NRG1: variants seen among roughly 807,000 people sequenced by gnomAD.
NRG1 encodes the protein pro-neuregulin-1, membrane-bound isoform.
In NRG1, 18 loss-of-function variants were observed where a neutral mutation model predicts 63.8. The ratio of observed to expected loss-of-function variants is 0.28; its 90% confidence interval spans 0.19 to 0.42. The LOEUF (loss-of-function observed/expected upper bound fraction) is 0.42, where lower values mean the gene tolerates loss of function less well. Ranked by LOEUF, NRG1 falls within the 10% of genes least tolerant of loss-of-function variation. The pLI is 1.00. For missense variants in NRG1, 762 were observed against 814.7 expected (o/e 0.94, Z 0.79); for synonymous variants, 302 against 301.3 (o/e 1.00, Z -0.02).
intron 1 of NRG1, among the ~76,000 whole-genome samples, chr8:32,553,692 G>C (rs891464101): frequency 1.3e-5 from 2 of 151,984 alleles, no homozygotes; most frequent in Non-Finnish European, 2.9e-5. Context: ...CTTCTCTTTT[G>C]GGACTCGTAT....
At chr8:32,755,231 G>A (rs1829466988) in intron 8 of NRG1, among the ~76,000 whole-genome samples, 1 of 152,148 alleles carries the variant, frequency 6.6e-6, no homozygotes, top group African/African-American at 2.4e-5. Context: ...ATTACTATGT[G>A]ACATGGATTC....
At chr8:31,857,369 G>A (rs1364897876) in intron 1 of NRG1, among the ~76,000 whole-genome samples, 5 of 152,200 alleles carry the variant, frequency 3.3e-5, no homozygotes, top group African/African-American at 7.2e-5. Context: ...GGAGTGACCC[G>A]ATTTTCCAGG....
chr8:32,386,053 C>T (rs1434386525), intron 1 of NRG1, among the ~76,000 whole-genome samples: 1 of 152,172 alleles, frequency 6.6e-6, no homozygotes, highest in African/African-American at 2.4e-5. Context: ...TCTGTCTATG[C>T]TGTCATAGGT....
chr8:32,401,684 A>G (rs1327208177), intron 1 of NRG1, among the ~76,000 whole-genome samples: 1 of 152,142 alleles, frequency 6.6e-6, no homozygotes, highest in African/African-American at 2.4e-5. Flanking sequence ...AGCTAAACAA[A>G]GAAAACACAT....
At chr8:31,702,225 T>G (rs1810698413) in intron 1 of NRG1, among the ~76,000 whole-genome samples, 1 of 152,192 alleles carries the variant, frequency 6.6e-6, no homozygotes, top group Non-Finnish European at 1.5e-5. Context: ...GAAAGTTGAC[T>G]GGCTTCATTA....
chr8:31,920,560 T>G (rs1187735176), intron 1 of NRG1, among the ~76,000 whole-genome samples: 1 of 152,144 alleles, frequency 6.6e-6, no homozygotes, highest in African/African-American at 2.4e-5. Context: ...TCTTCAGACT[T>G]GCCCAGGATC....
At chr8:31,793,672 T>C (rs1194431210) in intron 1 of NRG1, among the ~76,000 whole-genome samples, 1 of 152,226 alleles carries the variant, frequency 6.6e-6, no homozygotes, top group Non-Finnish European at 1.5e-5. Context: ...AGAAGTAATC[T>C]GAAGTAAACA....
At chr8:31,731,948 G>A (rs192174470) in intron 1 of NRG1, among the ~76,000 whole-genome samples, 12 of 152,290 alleles carry the variant, frequency 7.9e-5, no homozygotes, top group African/African-American at 2.2e-4. Context: ...GCTGTGAAGA[G>A]TCAGTAAGAT....
chr8:31,740,780 T>C (rs1009806914), intron 1 of NRG1, among the ~76,000 whole-genome samples: 5 of 151,854 alleles, frequency 3.3e-5, no homozygotes, highest in African/African-American at 1.2e-4. Context: ...GGTAAGCAAT[T>C]GATCTGGCAA....
At chr8:32,752,837 CTGT>C (rs141960578) in intron 7 of NRG1, among the ~76,000 whole-genome samples, 11,673 of 152,186 alleles carry the variant, frequency 0.077, 626 homozygotes, top group Non-Finnish European at 0.096. Context: ...CCTTCTCCTC[CTGT>C]TAATAATCAG....
At chr8:32,674,182 G>C (rs1354419067) in intron 5 of NRG1, among the ~76,000 whole-genome samples, 3 of 152,102 alleles carry the variant, frequency 2.0e-5, no homozygotes, top group South Asian at 4.1e-4. Flanking sequence ...TTTAACTGAA[G>C]AATTCGTGTT....
chr8:32,552,368 A>G (rs1437525306), intron 1 of NRG1, among the ~76,000 whole-genome samples: 1 of 151,872 alleles, frequency 6.6e-6, no homozygotes, highest in Non-Finnish European at 1.5e-5. Context: ...ATTCACTATC[A>G]TGCCTAGCCA....
intron 1 of NRG1, among the ~76,000 whole-genome samples, chr8:31,755,614 C>A (rs1816890146): frequency 6.6e-6 from 1 of 152,094 alleles, no homozygotes; most frequent in South Asian, 2.1e-4. Context: ...GTTAATGAAT[C>A]CTTGCTCTGC....
chr8:32,047,059 G>A (rs975929182), intron 1 of NRG1, among the ~76,000 whole-genome samples: 4 of 151,848 alleles, frequency 2.6e-5, no homozygotes, highest in African/African-American at 9.7e-5. Context: ...TTTTTGCCCA[G>A]CATTGTTGTG....
intron 1 of NRG1, among the ~76,000 whole-genome samples, chr8:32,399,346 G>A (rs1006048476): frequency 3.3e-5 from 5 of 152,122 alleles, no homozygotes; most frequent in Non-Finnish European, 5.9e-5. Context: ...AATTTCCCTC[G>A]ACTCAACTGA....
chr8:32,482,694 A>T (rs1313039445), intron 1 of NRG1, among the ~76,000 whole-genome samples: 1 of 152,104 alleles, frequency 6.6e-6, no homozygotes, highest in Admixed American at 6.6e-5. Flanking sequence ...GGTGCTGACA[A>T]GAGGAAATGC....
chr8:31,868,009 T>C (rs1248158424), intron 1 of NRG1, among the ~76,000 whole-genome samples: 1 of 152,124 alleles, frequency 6.6e-6, no homozygotes, highest in South Asian at 2.1e-4. Flanking sequence ...ATTTTGCTTA[T>C]GGTGTCATTC....
At chr8:32,304,943 A>G (rs1856015687) in intron 1 of NRG1, among the ~76,000 whole-genome samples, 1 of 152,144 alleles carries the variant, frequency 6.6e-6, no homozygotes, top group Admixed American at 6.5e-5. Flanking sequence ...TGAACCCAGG[A>G]GGCGGAGGTT....
intron 1 of NRG1, among the ~76,000 whole-genome samples, chr8:32,017,095 A>G (rs916812383): frequency 2.0e-5 from 3 of 152,240 alleles, no homozygotes; most frequent in Non-Finnish European, 4.4e-5. Flanking sequence ...ATTTATGACT[A>G]GCTTCTGCTC....
Sources: allele counts gnomAD v4.1 joint callset (sites outside exome capture counted in the v4.1 genomes callset), GRCh38; gene constraint gnomAD v4.1.1; transcripts MANE v1.5; gene names NCBI Gene and HGNC (gene_info 2026-07-23, HGNC 2026-07-21).